The following AUTS2 variants were observed in gnomAD, a reference collection of about 807,000 sequenced individuals.
The protein encoded by AUTS2 is autism susceptibility gene 2 protein.
A neutral mutation model predicts 112.4 loss-of-function variants in AUTS2; 17 were observed. The ratio of observed to expected loss-of-function variants is 0.15; its 90% CI spans 0.10 to 0.23. AUTS2 has a LOEUF of 0.23. Ranked by LOEUF, AUTS2 falls within the 10% of genes least tolerant of loss-of-function variation. AUTS2 has a pLI of 1.00. For missense variants in AUTS2, 1,510 were observed against 1,701.6 expected, an observed-to-expected ratio of 0.89 and a Z score of 1.98; for synonymous variants, 751 against 702.7, an observed-to-expected ratio of 1.07 and a Z score of -1.09.
chr7:70,216,946 G>C (rs748711354), intron 4 of AUTS2, among the ~76,000 whole-genome samples: 2 of 152,074 alleles, frequency 1.3e-5, no homozygotes, highest in Non-Finnish European at 2.9e-5. Context: ...ATCTTGCGCT[G>C]TCACCCAGGC....
intron 4 of AUTS2, among the ~76,000 whole-genome samples, chr7:70,175,084 G>T (rs1808911731): frequency 6.6e-6 from 1 of 152,128 alleles, no homozygotes; most frequent in South Asian, 2.1e-4. Flanking sequence ...ATGCCATTAA[G>T]AACATTCATG....
intron 5 of AUTS2, among the ~76,000 whole-genome samples, chr7:70,592,389 G>C (rs1187188980): frequency 6.6e-6 from 1 of 151,732 alleles, no homozygotes; most frequent in Admixed American, 6.6e-5. Flanking sequence ...TTTTGAGATG[G>C]AGTCTTGCCC....
intron 4 of AUTS2, among the ~76,000 whole-genome samples, chr7:70,174,474 C>T (rs940560409): frequency 1.3e-5 from 2 of 152,082 alleles, no homozygotes; most frequent in Admixed American, 6.6e-5. Context: ...AAGGTGGCCA[C>T]GTTGAATAAC....
chr7:69,735,971 G>A (rs1324133271), intron 1 of AUTS2, among the ~76,000 whole-genome samples: 1 of 152,184 alleles, frequency 6.6e-6, no homozygotes, highest in African/African-American at 2.4e-5. Context: ...CAGTATGGAT[G>A]GCCCAAGGAT....
chr7:70,424,908 T>G (rs1795371187), intron 4 of AUTS2, among the ~76,000 whole-genome samples: 1 of 152,216 alleles, frequency 6.6e-6, no homozygotes, highest in African/African-American at 2.4e-5. Context: ...TTTTGATGAA[T>G]GCCAGCCAAC....
chr7:70,746,595 A>T (rs1788468425), intron 6 of AUTS2, among the ~76,000 whole-genome samples: 1 of 152,214 alleles, frequency 6.6e-6, no homozygotes, highest in Non-Finnish European at 1.5e-5. Context: ...GATGGCTAGC[A>T]GGGGCTGTGA....
intron 1 of AUTS2, among the ~76,000 whole-genome samples, chr7:69,830,729 A>C (rs964640475): frequency 1.3e-5 from 2 of 152,152 alleles, no homozygotes; most frequent in Admixed American, 6.5e-5. Context: ...ACATTTATTG[A>C]GCTCGTACTA....
intron 4 of AUTS2, among the ~76,000 whole-genome samples, chr7:70,421,170 T>G (rs1795204320): frequency 6.6e-6 from 1 of 152,186 alleles, no homozygotes; most frequent in African/African-American, 2.4e-5. Context: ...CCCTCTTTCT[T>G]CATTCCTTTT....
chr7:70,339,887 G>GA (rs1791176860), intron 4 of AUTS2, among the ~76,000 whole-genome samples: 1 of 152,034 alleles, frequency 6.6e-6, no homozygotes, highest in African/African-American at 2.4e-5. Flanking sequence ...TTTAACTTCT[G>GA]AAAAAAGTTC....
chr7:69,810,635 G>A (rs1790508027), intron 1 of AUTS2, among the ~76,000 whole-genome samples: 2 of 152,066 alleles, frequency 1.3e-5, no homozygotes, highest in Admixed American at 1.3e-4. Flanking sequence ...TTGATAGGAG[G>A]AGCATAGATG....
At chr7:70,320,883 C>G (rs1790221622) in intron 4 of AUTS2, among the ~76,000 whole-genome samples, 1 of 152,116 alleles carries the variant, frequency 6.6e-6, no homozygotes, top group African/African-American at 2.4e-5. Context: ...GCAGTTGGAC[C>G]AGGCTCTTGT....
chr7:69,915,998 C>T (rs998347871), intron 2 of AUTS2, among the ~76,000 whole-genome samples: 2 of 151,948 alleles, frequency 1.3e-5, no homozygotes, highest in Non-Finnish European at 2.9e-5. Flanking sequence ...GGATTACAGG[C>T]GTGAGCCACC....
At chr7:70,541,990 A>C (rs1284907977) in intron 5 of AUTS2, among the ~76,000 whole-genome samples, 1 of 152,218 alleles carries the variant, frequency 6.6e-6, no homozygotes, top group Admixed American at 6.5e-5. Context: ...GGATGAAAGA[A>C]ATTACCATTA....
chr7:70,405,721 C>A (rs1165220717), intron 4 of AUTS2, among the ~76,000 whole-genome samples: 3 of 152,196 alleles, frequency 2.0e-5, no homozygotes, highest in Non-Finnish European at 4.4e-5. Context: ...AAAATCTCTT[C>A]TTTATGAAGG....
intron 6 of AUTS2, among the ~76,000 whole-genome samples, chr7:70,708,846 G>C (rs977755447): frequency 2.6e-5 from 4 of 151,754 alleles, no homozygotes; most frequent in Non-Finnish European, 4.4e-5. Flanking sequence ...GTGCCATAAA[G>C]ATCTGTACAT....
intron 5 of AUTS2, among the ~76,000 whole-genome samples, chr7:70,469,777 A>G (rs889464432): frequency 3.9e-5 from 6 of 152,152 alleles, no homozygotes; most frequent in African/African-American, 1.4e-4. Context: ...AGTAGCTAGG[A>G]ATACAGGCAC....
chr7:70,177,026 C>T (rs1012219911), intron 4 of AUTS2, among the ~76,000 whole-genome samples: 2 of 152,114 alleles, frequency 1.3e-5, no homozygotes, highest in African/African-American at 4.8e-5. Context: ...TGCAAAATAT[C>T]ATCATTTCCT....
intron 5 of AUTS2, among the ~76,000 whole-genome samples, chr7:70,650,873 G>C (rs1806466785): frequency 6.6e-6 from 1 of 152,168 alleles, no homozygotes; most frequent in Non-Finnish European, 1.5e-5. Context: ...TAAATTAATA[G>C]TGCCAACTAA....
intron 5 of AUTS2, among the ~76,000 whole-genome samples, chr7:70,542,355 T>C (rs1275014814): frequency 6.6e-6 from 1 of 152,224 alleles, no homozygotes; most frequent in Non-Finnish European, 1.5e-5. Context: ...ACCCCAAGTA[T>C]CTGAACTCCT....
Sources: allele counts gnomAD v4.1 joint callset (sites outside exome capture counted in the v4.1 genomes callset), GRCh38; gene constraint gnomAD v4.1.1; transcripts MANE v1.5; gene names NCBI Gene and HGNC (gene_info 2026-07-23, HGNC 2026-07-21).